YLPM1: variants seen among roughly 807,000 people sequenced by gnomAD.
YLPM1 encodes the protein YLP motif-containing protein 1.
YLPM1 carries 99 observed loss-of-function variants against 230.0 expected under a neutral mutation model. The ratio of observed to expected loss-of-function variants is 0.43; its 90% CI spans 0.37 to 0.51. YLPM1 has a LOEUF of 0.51. YLPM1 is among the 20% of genes least tolerant of loss of function. The pLI is 0.00. For synonymous variants in YLPM1, 984 were observed against 942.5 expected (o/e 1.04, Z -0.81); for missense variants, 2,592 against 2,707.7 (o/e 0.96, Z 0.95).
chr14:74,763,952 G>A lies in YLPM1; in HGVS notation c.463G>A (p.Gly155Arg), dbSNP rs371353683. The change falls in exon 1 of 21, where the codon GGG (glycine) becomes AGG (arginine). Residue 155 changes from glycine (G) to arginine (R), a missense_variant. Coordinates refer to ENST00000325680, the MANE Select transcript of YLPM1 (RefSeq NM_019589.3). ...SPPESPPVPP[G>R]SYMPPSQSYM... ...CCCTGAATCTCCCCCTGTGCCGCCTGGGTCCTATATGCCCCCATCTCAGTC... is the reference window on the plus strand; with the variant it reads ...CCCTGAATCTCCCCCTGTGCCGCCTAGGTCCTATATGCCCCCATCTCAGTC... 9.7e-6 allele frequency: 14 copies of A among 1,436,210 alleles called. No homozygotes were observed. In the African/African-American group the frequency reaches 2.2e-4, roughly 22 times the overall value. 89.0% of individuals were successfully genotyped at this position (1,436,210 alleles called of 1,614,324 possible). A position where few individuals can be genotyped will look rare whatever the true frequency, so the allele number is the denominator to read the frequency against.
chr14:74,797,768 C>T lies in YLPM1; in HGVS notation c.2471C>T (p.Pro824Leu). 1 of 1,613,778 alleles carries T rather than the reference C, an allele frequency of 6.2e-7. No individual in the cohort carries two copies. The highest frequency in any genetic ancestry group is 1.1e-5 in the South Asian group (1 of 91,080). Residue 824 changes from proline to leucine, a missense_variant, in exon 5 of 21, where the codon CCC becomes CTC. Physicochemically the swap from Pro to Leu is moderately conservative, Grantham distance 98 (BLOSUM62 -3). Around this residue, in one of 4 missense-constraint regions of YLPM1, gnomAD observed 1,862 missense variants for 1,819.8 expected, o/e 1.02. Transcript: ENST00000325680. Reference sequence around the variant, plus strand: ...CCAGCATCTCAATTTTATATTACCCCCAGTACATCCCTAAGTCCTCGACAG... The same window carrying T: ...CCAGCATCTCAATTTTATATTACCCTCAGTACATCCCTAAGTCCTCGACAG... ...RGPASQFYIT[P>L]STSLSPRQSG...
At chr14:74,812,552 A>G (rs2091442941) in intron 10 of YLPM1, 76 bp from the exon 11 acceptor site, 2 of 1,450,248 alleles carry the variant, frequency 1.4e-6, no homozygotes, top group African/African-American at 2.8e-5. Context: ...ATATTACCTT[A>G]GGATGTGTGG....
intron 4 of YLPM1, among the ~76,000 whole-genome samples, chr14:74,783,347 A>G (rs896379690): frequency 6.6e-6 from 1 of 152,150 alleles, no homozygotes; most frequent in Non-Finnish European, 1.5e-5. Context: ...GTGGCCTCCC[A>G]AAGTGCTGGG....
At chr14:74,822,981 T>C (rs1214021467) in intron 17 of YLPM1, among the ~76,000 whole-genome samples, 4 of 152,138 alleles carry the variant, frequency 2.6e-5, no homozygotes, top group Admixed American at 2.6e-4. Context: ...ATGTAACTTG[T>C]CTTCAGTACT....
Position 74,837,202 on chromosome 14 carries a change from G to A in YLPM1, c.*1464G>A, listed in dbSNP as rs771765182. ...TTAATGGAAATTCTAACAACTTTCTGTACTTTTATCTTCCCTGAAAATCTG... is the reference window on the plus strand; with the variant it reads ...TTAATGGAAATTCTAACAACTTTCTATACTTTTATCTTCCCTGAAAATCTG... On this transcript the variant is annotated 3_prime_UTR_variant, in exon 21 of 21. Transcript: ENST00000325680. 5 of 152,044 alleles carry A rather than the reference G, an allele frequency of 3.3e-5. No homozygotes were observed. The highest frequency in any genetic ancestry group is 7.4e-5 in the Non-Finnish European group (5 of 67,984). The allele number at this position is 152,044 out of a possible 1,614,324, so 9.4% of individuals were successfully genotyped here.
intron 17 of YLPM1, among the ~76,000 whole-genome samples, chr14:74,823,595 T>C (rs1283986241): frequency 2.0e-5 from 3 of 152,030 alleles, no homozygotes; most frequent in Non-Finnish European, 4.4e-5. Flanking sequence ...AAAACATAAT[T>C]TTAAAAAACA....
chr14:74,785,020 T>G (rs1413667569), intron 4 of YLPM1, among the ~76,000 whole-genome samples: 1 of 152,220 alleles, frequency 6.6e-6, no homozygotes, highest in Non-Finnish European at 1.5e-5. Flanking sequence ...AACAAATTGC[T>G]TTTTTGTTTG....
intron 6 of YLPM1, 100 bp from the exon 7 acceptor site, chr14:74,809,280 A>T: frequency 6.8e-7 from 1 of 1,461,946 alleles, no homozygotes; most frequent in Admixed American, 3.0e-5. Context: ...CCAAGGTGTT[A>T]ACTTTTTTCT....
intron 6 of YLPM1, among the ~76,000 whole-genome samples, chr14:74,806,817 T>TA: frequency 6.6e-6 from 1 of 151,630 alleles, no homozygotes; most frequent in African/African-American, 2.4e-5. Context: ...TTTTTTTTTT[T>TA]AAATTAACTC....
rs1566762883 is a variant in YLPM1 at position 74,817,045 on chromosome 14, A to G, written c.5800A>G (p.Ile1934Val). 6.2e-7 allele frequency: 1 copy of G among 1,611,858 alleles called. No individual in the cohort carries two copies. The highest frequency in any genetic ancestry group is 8.5e-7 in the Non-Finnish European group (1 of 1,179,184). ...TTTTCCCTTCATCATCCTGGATGCC[A>G]TCAATGACAGAGTTAGGCATTTTGA... The part of the protein sequence containing the change: ...GFFPFIILDA[I>V]NDRVRHFDQF... The change falls in exon 14 of 21, where the codon ATC (isoleucine) becomes GTC (valine). Residue 1934 changes from isoleucine to valine, a missense_variant. Ile to Val is a conservative substitution (Grantham distance 29, BLOSUM62 3). This residue lies in a region of YLPM1 where 315 missense variants were observed against 429.3 expected (regional missense o/e 0.73). Coordinates refer to ENST00000325680, the MANE Select transcript of YLPM1 (RefSeq NM_019589.3).
rs543154204 is a variant in YLPM1 at position 74,828,794 on chromosome 14, A to C, written c.6164-419A>C. On this transcript the variant is annotated intron_variant, in intron 18 of 20. Transcript: ENST00000325680. ...TGGTACAACCTGCTTTTCATATGAC[A>C]CAGTATCAAACATGATTTCAGATGA... is the stretch of plus-strand genomic sequence containing the variant. Among the ~76,000 whole-genome samples, 10 of 152,306 alleles carry C rather than the reference A, an allele frequency of 6.6e-5. No homozygotes were observed. The East Asian group carries it at 1.7e-3, about 26-fold the overall frequency.
Position 74,781,719 on chromosome 14 carries a change from G to A in YLPM1, c.1676G>A (p.Gly559Asp). ...CTCCCTGCTACAGTGCCACCACCTG[G>A]CATGCCCCCACCTGTTATGCCACCT... ...PALPATVPPP[G>D]MPPPVMPPSL... The change falls in exon 4 of 21, where the codon GGC becomes GAC. Residue 559 changes from glycine (G) to aspartate (D), a missense_variant. Gly to Asp is a moderately conservative substitution (Grantham distance 94). Around this residue, in one of 4 missense-constraint regions of YLPM1, gnomAD observed 1,862 missense variants for 1,819.8 expected, o/e 1.02. Coordinates refer to ENST00000325680, the MANE Select transcript of YLPM1 (RefSeq NM_019589.3). The A allele has an allele frequency of 1.9e-6, 3 of 1,600,832 alleles. No individual in the cohort carries two copies. The highest frequency in any genetic ancestry group is 2.5e-6 in the Non-Finnish European group (3 of 1,176,664).
intron 1 of YLPM1, among the ~76,000 whole-genome samples, chr14:74,777,188 A>G (rs1275700023): frequency 1.3e-5 from 2 of 152,226 alleles, no homozygotes; most frequent in Admixed American, 1.3e-4. Context: ...ATGAAAGCAC[A>G]AAATAAGCTT....
intron 13 of YLPM1, 90 bp downstream of exon 13, chr14:74,816,780 A>T: frequency 6.8e-7 from 1 of 1,481,272 alleles, no homozygotes; most frequent in Non-Finnish European, 9.0e-7. Context: ...TTTTGAGGGC[A>T]GGGACCTCTC....
Position 74,799,261 on chromosome 14 carries a change from C to T in YLPM1, c.3964C>T (p.Gln1322Ter). 1 of 1,613,978 alleles carries T rather than the reference C, an allele frequency of 6.2e-7. No individual in the cohort carries two copies. Among genetic ancestry groups the T allele is most frequent in the Non-Finnish European group, 8.5e-7 (1 of 1,179,888 alleles). Residue 1322 changes from glutamine to a stop codon, truncating the protein, a stop_gained, in exon 5 of 21, where the codon CAG (glutamine) becomes TAG (stop). Coordinates refer to ENST00000325680, the MANE Select transcript of YLPM1 (RefSeq NM_019589.3). LOFTEE classifies it high-confidence loss of function. ...GAGACCACTGGATGAACAAGAATCA[C>T]AGTTTCGTGAACGGGATATTCCATC... ...YGRPLDEQES[Q>*]FRERDIPSLP...
intron 4 of YLPM1, among the ~76,000 whole-genome samples, chr14:74,796,656 CTTT>C (rs906817387): frequency 5.9e-5 from 9 of 151,886 alleles, no homozygotes; most frequent in African/African-American, 2.2e-4. Context: ...TGTGTACTTT[CTTT>C]TTACTGGATG....
At chr14:74,765,634 C>A (rs1234618259) in intron 1 of YLPM1, among the ~76,000 whole-genome samples, 1 of 152,210 alleles carries the variant, frequency 6.6e-6, no homozygotes, top group Non-Finnish European at 1.5e-5. Context: ...GTCAAACATT[C>A]TCAGTTAGTC....
chr14:74,775,708 G>T (rs144449866), intron 1 of YLPM1, among the ~76,000 whole-genome samples: 2 of 152,122 alleles, frequency 1.3e-5, no homozygotes, highest in Non-Finnish European at 2.9e-5. Flanking sequence ...GGGTTTCTTT[G>T]CTGTAATTTT....
intron 17 of YLPM1, chr14:74,821,619 A>G (rs2091521450): frequency 6.6e-6 from 1 of 152,300 alleles, no homozygotes; most frequent in African/African-American, 2.4e-5. Flanking sequence ...TTTTATCCTA[A>G]GTGACGGGGA....
Sources: gnomAD v4.1 joint callset for allele counts (sites outside exome capture counted in the v4.1 genomes callset) on GRCh38, gnomAD v4.1.1 for gene constraint, gnomAD v4.1.1 regional missense constraint, MANE v1.5 for transcripts, NCBI Gene and HGNC (gene_info 2026-07-23, HGNC 2026-07-21) for gene names.